The following STPG2 variants were observed in gnomAD, a reference collection of about 807,000 sequenced individuals.
STPG2 encodes sperm-tail PG-rich repeat-containing protein 2.
Under a neutral mutation model 54.2 loss-of-function variants are expected in STPG2, and 56 were observed. That is an observed-to-expected ratio of 1.03 (90% CI 0.83 to 1.29). The LOEUF is 1.29. Among genes scored for constraint, STPG2 ranks in the 50% most tolerant of loss-of-function variants. The pLI is 0.00. For synonymous variants in STPG2, 200 were observed against 181.8 expected (o/e 1.10, Z -0.81); for missense variants, 596 against 544.9 (o/e 1.09, Z -0.93).
chr4:98,094,950 C>A (rs919380547), intron 5 of STPG2, among the ~76,000 whole-genome samples: 1 of 151,806 alleles, frequency 6.6e-6, no homozygotes. Context: ...AGTATAAAGA[C>A]CAAATGATGA....
At chr4:97,836,047 G>A (rs902923010) in intron 9 of STPG2, among the ~76,000 whole-genome samples, 1 of 152,000 alleles carries the variant, frequency 6.6e-6, no homozygotes, top group Non-Finnish European at 1.5e-5. Context: ...GAACACTGCT[G>A]AAGTAACAAC....
chr4:97,550,020 T>C (rs1731929352), intron 4 of STPG2, among the ~76,000 whole-genome samples: 2 of 152,132 alleles, frequency 1.3e-5, no homozygotes, highest in Admixed American at 1.3e-4. Flanking sequence ...TAAAATTATA[T>C]CTTGTCACAT....
rs547290270 is a variant in STPG2 at position 97,539,100 on chromosome 4, A to G, written c.462+173599T>C. Among the ~76,000 whole-genome samples, 6 of 152,336 alleles carry G rather than the reference A, an allele frequency of 3.9e-5. No homozygotes were observed. In the South Asian group the frequency reaches 1.0e-3, roughly 26 times the overall value. ...CCACTGCAAAAACATACCAAATTGT[A>G]AAGACCATCAATGCTAGGAAGAAAC... On this transcript the variant is annotated intron_variant, in intron 4 of 4. Transcript: ENST00000522676.
intron 4 of STPG2, among the ~76,000 whole-genome samples, chr4:97,448,889 C>A (rs1729296996): frequency 6.6e-6 from 1 of 151,814 alleles, no homozygotes; most frequent in Non-Finnish European, 1.5e-5. Context: ...ATGGACTGAG[C>A]TGAGGATATT....
intron 3 of STPG2, among the ~76,000 whole-genome samples, chr4:98,121,180 T>G (rs775163449): frequency 2.6e-5 from 4 of 152,240 alleles, no homozygotes; most frequent in Non-Finnish European, 5.9e-5. Context: ...TGCTTGTTTT[T>G]GTCAGGTTTG....
At chr4:97,863,953 T>C (rs1324667964) in intron 8 of STPG2, among the ~76,000 whole-genome samples, 1 of 152,140 alleles carries the variant, frequency 6.6e-6, no homozygotes, top group Non-Finnish European at 1.5e-5. Context: ...TATCTAAAAA[T>C]AATAAGAGCT....
intron 10 of STPG2, among the ~76,000 whole-genome samples, chr4:97,568,953 G>A (rs1365311470): frequency 1.3e-5 from 2 of 151,204 alleles, no homozygotes; most frequent in Non-Finnish European, 2.9e-5. Flanking sequence ...GAAAGGGGTA[G>A]CAATCCAGAC....
At chr4:97,810,484 C>A (rs1225025095) in intron 9 of STPG2, among the ~76,000 whole-genome samples, 4 of 148,520 alleles carry the variant, frequency 2.7e-5, no homozygotes, top group African/African-American at 4.9e-5. Flanking sequence ...AAAAAGAAAG[C>A]AATGCTCACA....
chr4:97,934,715 G>A (rs1185950931), intron 8 of STPG2, among the ~76,000 whole-genome samples: 1 of 152,156 alleles, frequency 6.6e-6, no homozygotes, highest in Non-Finnish European at 1.5e-5. Flanking sequence ...AAGCCGACAT[G>A]ACCGTTGTGG....
chr4:97,532,072 A>G (rs908906104), intron 4 of STPG2, among the ~76,000 whole-genome samples: 1 of 152,196 alleles, frequency 6.6e-6, no homozygotes, highest in Admixed American at 6.5e-5. Flanking sequence ...AACAATTTGA[A>G]TTCATTAGGA....
chr4:97,908,579 A>C (rs1351289108), intron 8 of STPG2, among the ~76,000 whole-genome samples: 24 of 152,134 alleles, frequency 1.6e-4, no homozygotes, highest in African/African-American at 4.3e-4. Context: ...TGTTTATTGC[A>C]GCATTATTCA....
rs146237435 is a variant in STPG2 at position 97,630,855 on chromosome 4, G to T, written c.1321-71738C>A. On this transcript the variant is annotated intron_variant, in intron 10 of 10. Transcript: ENST00000295268. ...ATTATGTAATAACTGATTCAGAAAT[G>T]CAATTTCTCCAGTTAATAGACTACA... is the stretch of plus-strand genomic sequence containing the variant. 4.2e-3 allele frequency among the ~76,000 whole-genome samples: 632 copies of T among 151,578 alleles called. 3 individuals are homozygous for T. Among genetic ancestry groups the T allele is most frequent in the South Asian group, 0.02 (98 of 4,812 alleles).
intron 4 of STPG2, among the ~76,000 whole-genome samples, chr4:97,541,768 C>T (rs1167443512): frequency 1.3e-5 from 2 of 152,116 alleles, no homozygotes; most frequent in Admixed American, 1.3e-4. Flanking sequence ...GGTACCAAAA[C>T]AGAGATATAG....
intron 5 of STPG2, among the ~76,000 whole-genome samples, chr4:98,072,903 C>T (rs1442322001): frequency 1.3e-5 from 2 of 152,066 alleles, no homozygotes; most frequent in East Asian, 1.9e-4. Flanking sequence ...ACGTATTAGT[C>T]GTGCGAGGTT....
chr4:97,697,095 G>T (rs541430519), intron 10 of STPG2, among the ~76,000 whole-genome samples: 3 of 152,266 alleles, frequency 2.0e-5, no homozygotes, highest in South Asian at 2.1e-4. Flanking sequence ...GCCACACTAT[G>T]TTCACCTGGT....
At chr4:98,011,150 C>A (rs938863017) in intron 5 of STPG2, among the ~76,000 whole-genome samples, 2 of 152,112 alleles carry the variant, frequency 1.3e-5, no homozygotes, top group African/African-American at 4.8e-5. Flanking sequence ...GTGTTTTTCC[C>A]CTCCCTATGT....
intron 10 of STPG2, among the ~76,000 whole-genome samples, chr4:97,679,142 G>A (rs1722946840): frequency 6.6e-6 from 1 of 152,128 alleles, no homozygotes; most frequent in Non-Finnish European, 1.5e-5. Context: ...TATATACCCA[G>A]TAATGGGATG....
intron 5 of STPG2, among the ~76,000 whole-genome samples, chr4:98,040,954 AT>A (rs968996600): frequency 6.6e-6 from 1 of 151,872 alleles, no homozygotes; most frequent in Non-Finnish European, 1.5e-5. Flanking sequence ...AACAATATTG[AT>A]TCTTCCCATT....
chr4:97,444,770 C>A (rs1394430153), intron 4 of STPG2, among the ~76,000 whole-genome samples: 1 of 152,154 alleles, frequency 6.6e-6, no homozygotes, highest in East Asian at 1.9e-4. Flanking sequence ...TGGCTCACAC[C>A]TGTAATCCCA....
Sources: allele counts gnomAD v4.1 joint callset (sites outside exome capture counted in the v4.1 genomes callset), GRCh38; gene constraint gnomAD v4.1.1; transcripts MANE v1.5; gene names NCBI Gene and HGNC (gene_info 2026-07-23, HGNC 2026-07-21).